The following RUNX1 variants were observed in gnomAD, a reference collection of about 807,000 sequenced individuals.
RUNX1 encodes runt-related transcription factor 1.
Under a neutral mutation model 42.8 loss-of-function variants are expected in RUNX1, and 19 were observed. That is an observed-to-expected ratio of 0.44 (90% CI 0.31 to 0.65). The LOEUF (loss-of-function observed/expected upper bound fraction) is 0.65, where lower values mean the gene tolerates loss of function less well. RUNX1 is among the 30% of genes least tolerant of loss of function. The probability of loss-of-function intolerance (pLI) is 0.07; values close to 1 mark genes in which losing one functional copy is unlikely to be tolerated. For synonymous variants in RUNX1, 271 were observed against 289.4 expected (o/e 0.94, Z 0.64); for missense variants, 528 against 672.0 (o/e 0.79, Z 2.37).
At chr21:34,935,628 A>T (rs928581893) in intron 2 of RUNX1, among the ~76,000 whole-genome samples, 1 of 151,870 alleles carries the variant, frequency 6.6e-6, no homozygotes, top group African/African-American at 2.4e-5. Context: ...TCAACCTCAG[A>T]ACTCTTGACA....
At chr21:34,889,775 GT>G in intron 3 of RUNX1, 4 of 1,148,564 alleles carry the variant, frequency 3.5e-6, no homozygotes, top group Non-Finnish European at 4.3e-6. Context: ...CCGGTCCGGC[GT>G]GCGCTGCCAA....
intron 2 of RUNX1, among the ~76,000 whole-genome samples, chr21:34,984,762 A>C (rs932184328): frequency 3.3e-5 from 5 of 152,228 alleles, no homozygotes; most frequent in African/African-American, 1.2e-4. Context: ...GTTATGTGGC[A>C]CATGTCTGCA....
At chr21:34,904,016 T>C (rs1450365863) in intron 2 of RUNX1, among the ~76,000 whole-genome samples, 4 of 152,204 alleles carry the variant, frequency 2.6e-5, no homozygotes, top group Non-Finnish European at 4.4e-5. Context: ...TATTATACAA[T>C]TGATATTCAA....
chr21:34,886,957 C>T lies in RUNX1; in HGVS notation c.237G>A (p.Val79=), dbSNP rs1454506039. ...GKLRSGDRSM[V]EVLADHPGEL... ...CGCCCGGGTGGTCGGCCAGCACCTC[C>T]ACCATGCTGCGGTCGCCGCTCCTCA... The change falls in exon 4 of 9, where the codon GTG becomes GTA. Residue 79 remains valine (V), a synonymous_variant. Transcript: ENST00000675419. 6.2e-7 allele frequency: 1 copy of T among 1,612,054 alleles called. No individual in the cohort carries two copies. Among genetic ancestry groups the T allele is most frequent in the African/African-American group, 1.3e-5 (1 of 74,900 alleles).
At position 34,907,187 on chromosome 21, in the gene RUNX1, A is replaced by G. The variant is rs2058228202; in HGVS notation, c.59-14224T>C. Among the ~76,000 whole-genome samples the G allele has an allele frequency of 6.6e-6, 1 of 152,220 alleles. No individual in the cohort carries two copies. The highest frequency in any genetic ancestry group is 1.5e-5 in the Non-Finnish European group (1 of 68,040). On this transcript the variant is annotated intron_variant, in intron 2 of 8. Coordinates refer to ENST00000675419, the MANE Select transcript of RUNX1 (RefSeq NM_001754.5). This position sits in a 1 kb window ranked among gnomAD's most constrained non-coding sequence, Gnocchi z 5.3. The stretch of plus-strand genomic sequence containing the variant: ...GTCTTTGGGGGCTCTTGACAGCAAG[A>G]AAACCTAAACAGGAGAATCCCACTT...
intron 7 of RUNX1, among the ~76,000 whole-genome samples, chr21:34,808,976 A>T (rs2056721280): frequency 6.6e-6 from 1 of 152,160 alleles, no homozygotes; most frequent in Non-Finnish European, 1.5e-5. Flanking sequence ...GAGGGAACAG[A>T]AGGCACCTTC....
intron 6 of RUNX1, among the ~76,000 whole-genome samples, chr21:34,857,692 C>A (rs1173946589): frequency 6.6e-6 from 1 of 152,146 alleles, no homozygotes; most frequent in Non-Finnish European, 1.5e-5. Context: ...TCCCTCCCAG[C>A]CAGGCCCCTT....
chr21:35,004,357 T>C (rs1035238050), intron 2 of RUNX1, among the ~76,000 whole-genome samples: 4 of 152,214 alleles, frequency 2.6e-5, no homozygotes, highest in African/African-American at 9.7e-5. Context: ...GACACCACTT[T>C]TGTATGAATT....
chr21:35,007,845 C>A (rs1431773819), intron 2 of RUNX1, among the ~76,000 whole-genome samples: 1 of 152,086 alleles, frequency 6.6e-6, no homozygotes, highest in Non-Finnish European at 1.5e-5. Context: ...TTTTATAATC[C>A]AGAACTATTT....
In RUNX1 at chr21:34,930,299, T is replaced by TATATAA. The variant is rs1297231112; in HGVS notation, c.59-37337_59-37336insTTATAT. Among the ~76,000 whole-genome samples, 72 of 143,698 alleles carry TATATAA rather than the reference T, an allele frequency of 5.0e-4. 1 individual carries two copies. The East Asian group carries it at 5.2e-3, about 10-fold the overall frequency. 94.3% of individuals were successfully genotyped at this position (143,698 alleles called of 152,430 possible). A position where few individuals can be genotyped will look rare whatever the true frequency, so the allele number is the denominator to read the frequency against. On this transcript the variant is annotated intron_variant, in intron 2 of 8. Transcript: ENST00000675419. ...ATATATATATATATATATAAATAAA[T>TATATAA]AAATAAAATTTTACAACTAACATTA...
chr21:34,871,192 G>A (rs1386125565), intron 5 of RUNX1, among the ~76,000 whole-genome samples: 1 of 152,158 alleles, frequency 6.6e-6, no homozygotes, highest in Non-Finnish European at 1.5e-5. Context: ...TGCCACAGCT[G>A]TTTTCAAGCT....
intron 2 of RUNX1, among the ~76,000 whole-genome samples, chr21:34,920,496 T>A (rs1490604880): frequency 6.6e-6 from 1 of 152,216 alleles, no homozygotes; most frequent in Non-Finnish European, 1.5e-5. Context: ...CATGTAAGCA[T>A]TTGTACCTTT....
At chr21:34,992,687 A>AG (rs2058954092) in intron 2 of RUNX1, among the ~76,000 whole-genome samples, 4 of 150,992 alleles carry the variant, frequency 2.6e-5, no homozygotes, top group African/African-American at 7.3e-5. Context: ...AAAAAAAAAA[A>AG]AGAAAAAAAA....
At position 34,789,359 on chromosome 21, in the gene RUNX1, T is replaced by A. The variant is rs970977974; in HGVS notation, c.*2776A>T. 1 of 233,516 alleles carries A rather than the reference T, an allele frequency of 4.3e-6. No homozygotes were observed. The highest frequency in any genetic ancestry group is 2.2e-5 in the African/African-American group (1 of 45,274). The allele number at this position is 233,516 out of a possible 1,614,324, so 14.5% of individuals were successfully genotyped here. On this transcript the variant is annotated 3_prime_UTR_variant, in exon 9 of 9. Coordinates refer to ENST00000675419, the MANE Select transcript of RUNX1 (RefSeq NM_001754.5). ...GGGGGAAGAGAGGGAGGGAAATGTA[T>A]TTTCAGATAGTGAGAAAAAGAAAGA...
intron 2 of RUNX1, among the ~76,000 whole-genome samples, chr21:34,949,276 G>C (rs1488081298): frequency 6.6e-6 from 1 of 152,144 alleles, no homozygotes; most frequent in African/African-American, 2.4e-5. Flanking sequence ...TTTAAATATT[G>C]CCATTAGCCC....
At chr21:34,838,093 T>C (rs2057175734) in intron 6 of RUNX1, among the ~76,000 whole-genome samples, 1 of 152,244 alleles carries the variant, frequency 6.6e-6, no homozygotes, top group African/African-American at 2.4e-5. Context: ...CATCCTTAAA[T>C]GTTATGATAT....
chr21:35,043,975 A>G (rs2059378672), intron 2 of RUNX1, among the ~76,000 whole-genome samples: 1 of 152,212 alleles, frequency 6.6e-6, no homozygotes, highest in African/African-American at 2.4e-5. Flanking sequence ...CAGCAGTCTC[A>G]ATGAAAAGAG....
chr21:34,970,612 C>T (rs888583554), intron 2 of RUNX1, among the ~76,000 whole-genome samples: 7 of 152,184 alleles, frequency 4.6e-5, no homozygotes, highest in East Asian at 1.9e-4. Flanking sequence ...TGGGCTCCTA[C>T]GTTGGTCAGA....
chr21:34,820,142 C>G (rs1039636391), intron 7 of RUNX1, among the ~76,000 whole-genome samples: 25 of 152,232 alleles, frequency 1.6e-4, no homozygotes, highest in African/African-American at 6.0e-4. Flanking sequence ...CTGTCGGTCT[C>G]CTGTAGCTGG....
Sources: gnomAD v4.1 joint callset for allele counts (sites outside exome capture counted in the v4.1 genomes callset) on GRCh38, gnomAD v4.1.1 for gene constraint, Gnocchi (gnomAD v3.1) non-coding constraint, MANE v1.5 for transcripts, NCBI Gene and HGNC (gene_info 2026-07-23, HGNC 2026-07-21) for gene names.